TLL1: variants seen among roughly 807,000 people sequenced by gnomAD.
The protein encoded by TLL1 is tolloid-like protein 1.
TLL1 carries 49 observed loss-of-function variants against 128.2 expected under a neutral mutation model. The observed-to-expected ratio is 0.38, with a 90% CI of 0.30 to 0.48. The LOEUF is 0.48. Ranked by LOEUF, TLL1 falls within the 20% of genes least tolerant of loss-of-function variation. The probability of loss-of-function intolerance (pLI) is 0.96; values close to 1 mark genes in which losing one functional copy is unlikely to be tolerated. For missense variants in TLL1, 1,123 were observed against 1,242.0 expected (o/e 0.90, Z 1.44); for synonymous variants, 454 against 418.8 (o/e 1.08, Z -1.03).
At chr4:166,042,169 T>C (rs1739268101) in intron 11 of TLL1, 26 bp downstream of exon 11, 1 of 1,383,484 alleles carries the variant, frequency 7.2e-7, no homozygotes, top group Admixed American at 1.7e-5. Context: ...TTTTAGAGAG[T>C]AGTTCATCTT....
intron 1 of TLL1, among the ~76,000 whole-genome samples, chr4:165,923,625 C>T (rs1301191661): frequency 1.3e-5 from 2 of 151,422 alleles, no homozygotes; most frequent in Non-Finnish European, 1.5e-5. Context: ...TTAGTAGAGA[C>T]GGGGTTTCAC....
rs72972254 is a variant in TLL1, at chr4:165,949,996, T to G, written c.170-39385T>G. On this transcript the variant is annotated intron_variant, in intron 1 of 20. Transcript: ENST00000061240. The stretch of plus-strand genomic sequence containing the variant: ...AAGGCAGAGATGATCAGATTGGATA[T>G]AAAAGAAAGGCCCAATTGTATGCTT... Among the ~76,000 whole-genome samples, 989 of 152,206 alleles carry G rather than the reference T, an allele frequency of 6.5e-3. 9 individuals carry two copies. The highest frequency in any genetic ancestry group is 0.023 in the African/African-American group (949 of 41,540).
chr4:165,992,153 C>A (rs1002135434), intron 2 of TLL1, among the ~76,000 whole-genome samples: 2 of 152,050 alleles, frequency 1.3e-5, no homozygotes, highest in Middle Eastern at 3.4e-3. Flanking sequence ...TTTTTACACT[C>A]TGTTTTTTAT....
chr4:165,907,967 A>G (rs1163456070), intron 1 of TLL1, among the ~76,000 whole-genome samples: 1 of 152,220 alleles, frequency 6.6e-6, no homozygotes, highest in Non-Finnish European at 1.5e-5. Flanking sequence ...ATAGGCCTGT[A>G]AAGGAAGAGA....
At chr4:166,062,531 G>T (rs61998414) in intron 15 of TLL1, among the ~76,000 whole-genome samples, 2 of 152,070 alleles carry the variant, frequency 1.3e-5, no homozygotes, top group African/African-American at 4.8e-5. Context: ...TCTGTTATTG[G>T]TGTATAGAAA....
At position 166,101,038 on chromosome 4, in the gene TLL1, C is replaced by T. The variant is rs1742263371; in HGVS notation, c.*162C>T. The T allele has an allele frequency of 3.6e-6, 3 of 841,722 alleles. No homozygotes were observed. Among genetic ancestry groups the T allele is most frequent in the Non-Finnish European group, 5.5e-6 (3 of 549,952 alleles). 52.1% of individuals were successfully genotyped at this position (841,722 alleles called of 1,614,324 possible). On this transcript the variant is annotated 3_prime_UTR_variant, in exon 21 of 21. Transcript: ENST00000061240. ...TTTGTACTAAAAGAGAAGTTTCCAG[C>T]AAAACCCTCATCAGCATTACAAGGA...
At chr4:165,879,122 T>C (rs980152688) in intron 1 of TLL1, among the ~76,000 whole-genome samples, 1 of 151,758 alleles carries the variant, frequency 6.6e-6, no homozygotes, top group African/African-American at 2.4e-5. Flanking sequence ...TTAATTTAAT[T>C]TTTTTGTAGA....
At position 166,074,948 on chromosome 4, in the gene TLL1, G is replaced by A; in HGVS notation, c.2259G>A (p.Met753Ile). 6.2e-7 allele frequency: 1 copy of A among 1,613,710 alleles called. No homozygotes were observed. Among genetic ancestry groups the A allele is most frequent in the Non-Finnish European group, 8.5e-7 (1 of 1,179,686 alleles). ...GTGTCAACACGATGGGGAGCTACAT[G>A]TGTCAATGCCGTAATGGATTTGTGC... ...HECVNTMGSY[M>I]CQCRNGFVLH... Residue 753 changes from methionine to isoleucine, a missense_variant, in exon 17 of 21, where the codon ATG (methionine) becomes ATA (isoleucine). Coordinates refer to ENST00000061240, the MANE Select transcript of TLL1 (RefSeq NM_012464.5).
chr4:165,918,635 C>G (rs575731108), intron 1 of TLL1, among the ~76,000 whole-genome samples: 11 of 152,060 alleles, frequency 7.2e-5, no homozygotes, highest in African/African-American at 2.7e-4. Context: ...AGTCATAGAG[C>G]TATTTATCTT....
At chr4:165,931,445 G>A (rs866549548) in intron 1 of TLL1, among the ~76,000 whole-genome samples, 8 of 152,110 alleles carry the variant, frequency 5.3e-5, no homozygotes, top group Admixed American at 2.0e-4. Context: ...TTGGCCAGGC[G>A]TGGTCATTCA....
intron 8 of TLL1, among the ~76,000 whole-genome samples, chr4:166,021,271 G>A (rs556721925): frequency 4.6e-5 from 7 of 151,990 alleles, no homozygotes; most frequent in African/African-American, 1.7e-4. Flanking sequence ...TCATGGATAT[G>A]TTTATTCATC....
At chr4:166,033,557 C>G (rs1738867223) in intron 9 of TLL1, among the ~76,000 whole-genome samples, 1 of 152,048 alleles carries the variant, frequency 6.6e-6, no homozygotes, top group Non-Finnish European at 1.5e-5. Context: ...TTAAAAAATA[C>G]AGTCATTGTA....
At chr4:166,024,252 T>G (rs1299899544) in intron 8 of TLL1, among the ~76,000 whole-genome samples, 1 of 152,210 alleles carries the variant, frequency 6.6e-6, no homozygotes, top group Non-Finnish European at 1.5e-5. Context: ...TTTTTAGAGC[T>G]CTATGCTTTG....
At chr4:166,045,804 C>T (rs546107398) in intron 12 of TLL1, among the ~76,000 whole-genome samples, 4 of 152,176 alleles carry the variant, frequency 2.6e-5, no homozygotes, top group South Asian at 2.1e-4. Context: ...ACTGATGTTC[C>T]GCTGCCTCAG....
At chr4:165,891,105 G>A (rs931884597) in intron 1 of TLL1, among the ~76,000 whole-genome samples, 1 of 152,066 alleles carries the variant, frequency 6.6e-6, no homozygotes, top group Non-Finnish European at 1.5e-5. Flanking sequence ...TTTTAGCCAC[G>A]GTTCAGATGC....
At chr4:165,963,054 CAAAAAA>C (rs869191830) in intron 1 of TLL1, among the ~76,000 whole-genome samples, 7 of 18,330 alleles carry the variant, frequency 3.8e-4, no homozygotes, top group African/African-American at 5.7e-4. Context: ...GGCTCTGTCT[CAAAAAA>C]AAAAAAAAAA....
At chr4:165,971,768 G>A (rs1157843544) in intron 1 of TLL1, among the ~76,000 whole-genome samples, 1 of 152,078 alleles carries the variant, frequency 6.6e-6, no homozygotes, top group African/African-American at 2.4e-5. Flanking sequence ...TCCACTTTTA[G>A]GATGTTGCCT....
chr4:166,014,585 G>T, intron 8 of TLL1, 25 bp downstream of exon 8: 2 of 1,609,866 alleles, frequency 1.2e-6, no homozygotes, highest in Non-Finnish European at 1.7e-6. Context: ...AAACACAAGA[G>T]CATGACTGTA....
Position 166,057,286 on chromosome 4 carries a change from G to A in TLL1, c.1823G>A (p.Gly608Asp), listed in dbSNP as rs1311382815. The part of the protein sequence containing the change: ...QCACEPGYEL[G>D]PDRRSCEAAC... ...GCCTGTGAGCCTGGCTATGAGCTGG[G>A]CCCAGACAGAAGGAGCTGTGAAGGT... Residue 608 changes from glycine to aspartate, a missense_variant, in exon 14 of 21, where the codon GGC becomes GAC. By Grantham distance (94) the Gly-to-Asp change is moderately conservative. Around this residue, in one of 3 missense-constraint regions of TLL1, gnomAD observed 634 missense variants for 672.4 expected, o/e 0.94. Transcript: ENST00000061240. 1 of 1,613,846 alleles carries A rather than the reference G, an allele frequency of 6.2e-7. No homozygotes were observed. The highest frequency in any genetic ancestry group is 1.7e-5 in the Admixed American group (1 of 59,964).
Sources: gnomAD v4.1 joint callset for allele counts (sites outside exome capture counted in the v4.1 genomes callset) on GRCh38, gnomAD v4.1.1 for gene constraint, gnomAD v4.1.1 regional missense constraint, MANE v1.5 for transcripts, NCBI Gene and HGNC (gene_info 2026-07-23, HGNC 2026-07-21) for gene names.